The following HIVEP3 variants were observed in gnomAD, a reference collection of about 807,000 sequenced individuals.
HIVEP3 encodes the protein HIVEP zinc finger 3.
Under a neutral mutation model 152.8 loss-of-function variants are expected in HIVEP3, and 49 were observed. The observed-to-expected ratio is 0.32, with a 90% confidence interval of 0.26 to 0.41. The LOEUF (loss-of-function observed/expected upper bound fraction) is 0.41. HIVEP3 is among the 10% of genes least tolerant of loss of function. The pLI is 1.00. For synonymous variants in HIVEP3, 1,269 were observed against 1,289.0 expected (o/e 0.98, Z 0.33); for missense variants, 2,790 against 3,103.3 (o/e 0.90, Z 2.40).
chr1:41,819,460 T>A (rs1457541122), intron 1 of HIVEP3, among the ~76,000 whole-genome samples: 1 of 152,200 alleles, frequency 6.6e-6, no homozygotes, highest in Non-Finnish European at 1.5e-5. Context: ...TTTACTCTTT[T>A]GTTCTTTTTC....
At chr1:41,979,121 T>C (rs774164251) in intron 1 of HIVEP3, among the ~76,000 whole-genome samples, 11 of 152,084 alleles carry the variant, frequency 7.2e-5, no homozygotes, top group Non-Finnish European at 7.4e-5. Context: ...ACACAAATTC[T>C]CAGGCCCCAC....
intron 5 of HIVEP3, among the ~76,000 whole-genome samples, chr1:41,571,350 A>G (rs1326835239): frequency 6.6e-6 from 1 of 152,218 alleles, no homozygotes; most frequent in African/African-American, 2.4e-5. Context: ...GTGTGTGTGA[A>G]AACAACACTG....
In HIVEP3 at chr1:41,732,205, G is replaced by A. The variant is rs778761024; in HGVS notation, c.-800-31210C>T. ...AGCCATGGTGCAGCTTGGGCCGGAC[G>A]GGGAGCATCAGCAGAGGCGGGTTCT... On this transcript the variant is annotated intron_variant, in intron 1 of 8. Coordinates refer to ENST00000372583, the MANE Select transcript of HIVEP3 (RefSeq NM_024503.5). Among the ~76,000 whole-genome samples, 6 of 152,300 alleles carry A rather than the reference G, an allele frequency of 3.9e-5. No individual in the cohort carries two copies. In the East Asian group the frequency reaches 7.7e-4, roughly 20 times the overall value.
At chr1:41,822,138 C>T (rs1353616924) in intron 1 of HIVEP3, among the ~76,000 whole-genome samples, 3 of 152,152 alleles carry the variant, frequency 2.0e-5, no homozygotes, top group East Asian at 1.9e-4. Context: ...AGGGTCCCAG[C>T]GGGGCACTGA....
At position 41,580,920 on chromosome 1, in the gene HIVEP3, G is replaced by A. The variant is rs1338728910; in HGVS notation, c.3878C>T (p.Pro1293Leu). The A allele has an allele frequency of 6.2e-7, 1 of 1,612,466 alleles. No individual in the cohort carries two copies. Among genetic ancestry groups the A allele is most frequent in the Non-Finnish European group, 8.5e-7 (1 of 1,179,414 alleles). The change falls in exon 4 of 9, where the codon CCA becomes CTA. Residue 1293 changes from proline to leucine, a missense_variant. Physicochemically the swap from Pro to Leu is moderately conservative, Grantham distance 98. This residue lies in a region of HIVEP3 where 1,078 missense variants were observed against 1,165.3 expected (regional missense o/e 0.93). Transcript: ENST00000372583. Reference protein sequence around the residue: ...SDIRLPPVAPPASSSAPTSAP... With the variant: ...SDIRLPPVAPLASSSAPTSAP... Reference sequence around the variant, plus strand: ...TGATGTAGGTGCTGAGGAGCTGGCTGGGGGAGCCACAGGGGGTAGCCGGAT... The same window carrying A: ...TGATGTAGGTGCTGAGGAGCTGGCTAGGGGAGCCACAGGGGGTAGCCGGAT...
At chr1:41,991,906 T>C (rs1645364244) in intron 1 of HIVEP3, among the ~76,000 whole-genome samples, 1 of 127,626 alleles carries the variant, frequency 7.8e-6, no homozygotes, top group Admixed American at 7.9e-5. Flanking sequence ...ACCACATGAT[T>C]ATCTCAATAG....
chr1:41,579,875 C>G lies in HIVEP3; in HGVS notation c.4923G>C (p.Gly1641=). Residue 1641 remains glycine, a synonymous_variant, in exon 4 of 9, where the codon GGG becomes GGC. Transcript: ENST00000372583. ...GGGACAAAGCAGCTTTAGTGGAAAC[C>G]CCCGGAAGGTTGGGGTTGTACAAAC... ...CISLYNPNLP[G]VSTKAALSLL... The G allele has an allele frequency of 6.2e-7, 1 of 1,614,178 alleles. No homozygotes were observed. Among genetic ancestry groups the G allele is most frequent in the Middle Eastern group, 1.7e-4 (1 of 6,060 alleles).
rs1330782124 is a variant in HIVEP3 at position 41,509,356 on chromosome 1, A to T, written c.*1095T>A. On this transcript the variant is annotated 3_prime_UTR_variant, in exon 9 of 9. Transcript: ENST00000372583. ...GGTCCTGTGGCAAAGTGGTCCTGAA[A>T]CAGTTCCCCGCAAACCTCTGCTGTG... The T allele has an allele frequency of 6.6e-6, 1 of 152,172 alleles. No individual in the cohort carries two copies. Among genetic ancestry groups the T allele is most frequent in the Non-Finnish European group, 1.5e-5 (1 of 68,034 alleles). The allele number at this position is 152,172 out of a possible 1,614,324, so 9.4% of individuals were successfully genotyped here. A position where few individuals can be genotyped will look rare whatever the true frequency, so the allele number is the denominator to read the frequency against.
chr1:41,797,965 C>T (rs1431617797), intron 1 of HIVEP3, among the ~76,000 whole-genome samples: 1 of 151,924 alleles, frequency 6.6e-6, no homozygotes, highest in Non-Finnish European at 1.5e-5. Context: ...GGCAACAGAG[C>T]AAGACTCCAT....
At chr1:41,615,578 C>T (rs1644956512) in intron 3 of HIVEP3, among the ~76,000 whole-genome samples, 1 of 152,200 alleles carries the variant, frequency 6.6e-6, no homozygotes, top group Admixed American at 6.5e-5. Context: ...GGCCGGTGGA[C>T]ATTTAGATGT....
chr1:41,541,217 G>A (rs1405532077), intron 5 of HIVEP3, among the ~76,000 whole-genome samples: 1 of 152,144 alleles, frequency 6.6e-6, no homozygotes, highest in Admixed American at 6.5e-5. Flanking sequence ...CTGTGGCTGT[G>A]GGATGGTTTT....
intron 5 of HIVEP3, among the ~76,000 whole-genome samples, chr1:41,546,760 A>G (rs568387494): frequency 6.6e-6 from 1 of 152,328 alleles, no homozygotes; most frequent in East Asian, 1.9e-4. Context: ...CCCAGTAAAG[A>G]AATGGATCAA....
intron 1 of HIVEP3, among the ~76,000 whole-genome samples, chr1:41,759,709 T>G (rs953163165): frequency 2.0e-5 from 3 of 152,222 alleles, no homozygotes; most frequent in African/African-American, 7.2e-5. Flanking sequence ...GTCTGTGCCT[T>G]GGAAGCCTGT....
intron 6 of HIVEP3, among the ~76,000 whole-genome samples, chr1:41,521,117 C>A (rs1243202360): frequency 6.6e-6 from 1 of 152,170 alleles, no homozygotes; most frequent in African/African-American, 2.4e-5. Flanking sequence ...AGTTCCTCAA[C>A]CTTCTGAGCC....
At position 41,512,977 on chromosome 1, in the gene HIVEP3, G is replaced by A. The variant is rs561486493; in HGVS notation, c.6244C>T (p.Arg2082Trp). 1.5e-5 allele frequency: 24 copies of A among 1,612,910 alleles called. No individual in the cohort carries two copies. The highest frequency in any genetic ancestry group is 8.9e-5 in the East Asian group (4 of 44,874). The change falls in exon 8 of 9, where the codon CGG becomes TGG. Residue 2082 changes from arginine to tryptophan, a missense_variant. This residue lies in a region of HIVEP3 where 816 missense variants were observed against 806.5 expected (regional missense o/e 1.01). Transcript: ENST00000372583. ...WSPGQAESPP[R>W]SAPPGKWALA... ...GCCCACTTCCCTGGCGGCGCTGACC[G>A]TGGTGGTGACTCGGCCTGACCTGGA... is the stretch of plus-strand genomic sequence containing the variant.
upstream of HIVEP3, among the ~76,000 whole-genome samples, chr1:41,921,411 C>T (rs868747269): frequency 6.6e-6 from 1 of 152,098 alleles, no homozygotes; most frequent in Admixed American, 6.5e-5. Context: ...GTGAATAAGT[C>T]TCATGAGATC....
At chr1:41,745,671 T>G (rs1425439381) in intron 1 of HIVEP3, among the ~76,000 whole-genome samples, 2 of 152,198 alleles carry the variant, frequency 1.3e-5, no homozygotes, top group Non-Finnish European at 2.9e-5. Flanking sequence ...TTGGGCCCCC[T>G]TTCCAGGCAG....
chr1:41,638,150 G>A (rs72955207), intron 2 of HIVEP3, among the ~76,000 whole-genome samples: 5,744 of 151,900 alleles, frequency 0.038, 349 homozygotes, highest in African/African-American at 0.13. Context: ...ACACTTCACC[G>A]CTATGTAATA....
chr1:41,745,386 C>T (rs538190819), intron 1 of HIVEP3, among the ~76,000 whole-genome samples: 2 of 152,308 alleles, frequency 1.3e-5, no homozygotes, highest in African/African-American at 4.8e-5. Context: ...CCTGTTTGAT[C>T]GTTAAAAGCC....
Sources: gnomAD v4.1 joint callset for allele counts (sites outside exome capture counted in the v4.1 genomes callset) on GRCh38, gnomAD v4.1.1 for gene constraint, gnomAD v4.1.1 regional missense constraint, MANE v1.5 for transcripts, NCBI Gene and HGNC (gene_info 2026-07-23, HGNC 2026-07-21) for gene names.